The following SNTB1 variants were observed in gnomAD, a reference collection of about 807,000 sequenced individuals.
The protein encoded by SNTB1 is beta-1-syntrophin.
In SNTB1, 36 loss-of-function variants were observed where a neutral mutation model predicts 48.9. That is an observed-to-expected ratio of 0.74 (90% confidence interval 0.56 to 0.97). The LOEUF (loss-of-function observed/expected upper bound fraction) is 0.97, where lower values mean the gene tolerates loss of function less well. Ranked by LOEUF, SNTB1 falls within the 50% of genes least tolerant of loss-of-function variation. The pLI, the probability that SNTB1 is intolerant of heterozygous loss-of-function variation, is 0.00. For missense variants in SNTB1, 786 were observed against 703.4 expected, an observed-to-expected ratio of 1.12 and a Z score of -1.33; for synonymous variants, 299 against 294.6, an observed-to-expected ratio of 1.01 and a Z score of -0.15.
rs11994534 is a variant in SNTB1, at chr8:120,746,676, C to T, written c.572-52768G>A. 6.3e-3 allele frequency among the ~76,000 whole-genome samples: 955 copies of T among 152,182 alleles called. 5 individuals carry two copies. Among genetic ancestry groups the T allele is most frequent in the Admixed American group, 0.014 (220 of 15,298 alleles). ...AGTCTTTCCTTAAGATTAACTGTGC[C>T]GTTTACTATGATATCAAGATGAATA... On this transcript the variant is annotated intron_variant, in intron 1 of 6. Transcript: ENST00000517992.
intron 2 of SNTB1, among the ~76,000 whole-genome samples, chr8:120,680,162 G>A (rs1817906132): frequency 6.6e-6 from 1 of 152,174 alleles, no homozygotes; most frequent in African/African-American, 2.4e-5. Context: ...TTTGGATGCA[G>A]TGTCCTTCCT....
rs370023803 is a variant in SNTB1 at position 120,598,623 on chromosome 8, C to T, written c.997-23398G>A. On this transcript the variant is annotated intron_variant, in intron 3 of 6. Coordinates refer to ENST00000517992, the MANE Select transcript of SNTB1 (RefSeq NM_021021.4). The stretch of plus-strand genomic sequence containing the variant: ...CAGGCACCATGTTCATTTCCTATGC[C>T]CCTGTAACACATTACCATAAACCAG... Among the ~76,000 whole-genome samples, 25 of 152,266 alleles carry T rather than the reference C, an allele frequency of 1.6e-4. No homozygotes were observed. The East Asian group carries it at 4.3e-3, about 26-fold the overall frequency.
intron 1 of SNTB1, among the ~76,000 whole-genome samples, chr8:120,751,934 C>T (rs1172058123): frequency 6.6e-6 from 1 of 152,164 alleles, no homozygotes; most frequent in Admixed American, 6.6e-5. Flanking sequence ...TGGTGCAACT[C>T]AGCACACAGC....
At position 120,636,076 on chromosome 8, in the gene SNTB1, A is replaced by G; in HGVS notation, c.789-3425T>C. The G allele has an allele frequency of 7.2e-6, 4 of 559,260 alleles. No individual in the cohort carries two copies. In the South Asian group the frequency reaches 1.2e-4, roughly 17 times the overall value. The allele number at this position is 559,260 out of a possible 1,614,324, so 34.6% of individuals were successfully genotyped here. ...TTTTTTTTTTATTATTTTAAAAAGG[A>G]ATTTATTTCTTATAGTTATGAAGGC... On this transcript the variant is annotated intron_variant, in intron 2 of 6. Coordinates refer to ENST00000517992, the MANE Select transcript of SNTB1 (RefSeq NM_021021.4).
At chr8:120,655,998 G>A (rs1025739578) in intron 2 of SNTB1, among the ~76,000 whole-genome samples, 1 of 152,186 alleles carries the variant, frequency 6.6e-6, no homozygotes, top group African/African-American at 2.4e-5. Flanking sequence ...GTGACAACAG[G>A]GGTATTTTCC....
intron 1 of SNTB1, among the ~76,000 whole-genome samples, chr8:120,743,348 A>G (rs1819074701): frequency 6.6e-6 from 1 of 152,162 alleles, no homozygotes; most frequent in South Asian, 2.1e-4. Flanking sequence ...ATTATAAAAC[A>G]CGGTTTTGTA....
intron 1 of SNTB1, among the ~76,000 whole-genome samples, chr8:120,782,601 C>T (rs1013233831): frequency 6.6e-6 from 1 of 151,900 alleles, no homozygotes; most frequent in Admixed American, 6.6e-5. Context: ...TACATACATA[C>T]CTACACACAC....
Position 120,811,372 on chromosome 8 carries a change from C to T in SNTB1, c.472G>A (p.Asp158Asn), listed in dbSNP as rs866729656. ...GCTCCGTTCACGGACAGGATGGCGT[C>T]GCCCACGTACAGGGCTTGGGTCTGG... ...ADQTQALYVGDAILSVNGADL... is the reference protein window; with the variant it reads ...ADQTQALYVGNAILSVNGADL... Residue 158 changes from aspartate to asparagine, a missense_variant, in exon 1 of 7, where the codon GAC (aspartate) becomes AAC (asparagine). Asp to Asn is a conservative substitution (Grantham distance 23). Coordinates refer to ENST00000517992, the MANE Select transcript of SNTB1 (RefSeq NM_021021.4). 1.7e-5 allele frequency: 27 copies of T among 1,613,688 alleles called. No homozygotes were observed. The Admixed American group carries it at 4.0e-4, about 24-fold the overall frequency.
At chr8:120,737,829 T>G (rs113139650) in intron 1 of SNTB1, among the ~76,000 whole-genome samples, 2,112 of 152,276 alleles carry the variant, frequency 0.014, 40 homozygotes, top group African/African-American at 0.049. Flanking sequence ...TTAGGTCTCC[T>G]AAGAAGGCAA....
At chr8:120,799,921 T>C (rs1305757228) in intron 1 of SNTB1, among the ~76,000 whole-genome samples, 1 of 152,094 alleles carries the variant, frequency 6.6e-6, no homozygotes, top group Non-Finnish European at 1.5e-5. Flanking sequence ...CTATAATAGA[T>C]ATTACCACTC....
chr8:120,811,187 G>A, intron 1 of SNTB1, 86 bp downstream of exon 1: 26 of 1,491,552 alleles, frequency 1.7e-5, no homozygotes, highest in Non-Finnish European at 2.2e-5. Flanking sequence ...GCATGTGGCC[G>A]AGTGAGTGTG....
At chr8:120,703,968 C>T (rs944738375) in intron 1 of SNTB1, among the ~76,000 whole-genome samples, 3 of 152,116 alleles carry the variant, frequency 2.0e-5, no homozygotes, top group African/African-American at 7.2e-5. Context: ...AGTGACTTGC[C>T]CACAGTCACA....
At chr8:120,681,653 A>C (rs1817933481) in intron 2 of SNTB1, among the ~76,000 whole-genome samples, 1 of 152,182 alleles carries the variant, frequency 6.6e-6, no homozygotes. Flanking sequence ...CCCATAAGTA[A>C]CTGCACAGAC....
chr8:120,606,523 G>T (rs1587025629), intron 3 of SNTB1, among the ~76,000 whole-genome samples: 1 of 151,816 alleles, frequency 6.6e-6, no homozygotes, highest in East Asian at 1.9e-4. Flanking sequence ...GTTTCAGTAA[G>T]AAACAAACAA....
At chr8:120,655,784 G>A (rs1046538795) in intron 2 of SNTB1, among the ~76,000 whole-genome samples, 4 of 152,192 alleles carry the variant, frequency 2.6e-5, no homozygotes, top group African/African-American at 9.6e-5. Context: ...CTTCCTTGTT[G>A]CTCAAGGACA....
intron 1 of SNTB1, among the ~76,000 whole-genome samples, chr8:120,788,106 G>C (rs968305998): frequency 6.6e-6 from 1 of 152,110 alleles, no homozygotes; most frequent in Non-Finnish European, 1.5e-5. Flanking sequence ...TGTCAGCCAA[G>C]AATTCTGCAT....
chr8:120,660,609 A>G (rs1817572688), intron 2 of SNTB1, among the ~76,000 whole-genome samples: 1 of 152,134 alleles, frequency 6.6e-6, no homozygotes, highest in African/African-American at 2.4e-5. Flanking sequence ...CTTTCTTATC[A>G]TTTGCATTCA....
At chr8:120,559,932 C>CA (rs1221633979) in intron 4 of SNTB1, among the ~76,000 whole-genome samples, 3 of 80,366 alleles carry the variant, frequency 3.7e-5, no homozygotes, top group African/African-American at 7.7e-5. Context: ...ATGCAAGCCA[C>CA]AAAAAAAAGA....
intron 2 of SNTB1, among the ~76,000 whole-genome samples, chr8:120,675,543 G>T (rs1448766914): frequency 6.6e-6 from 1 of 152,170 alleles, no homozygotes; most frequent in Non-Finnish European, 1.5e-5. Context: ...CTGTCATTTT[G>T]TACTTGCACT....
Sources: gnomAD v4.1 joint callset for allele counts (sites outside exome capture counted in the v4.1 genomes callset) on GRCh38, gnomAD v4.1.1 for gene constraint, MANE v1.5 for transcripts, NCBI Gene and HGNC (gene_info 2026-07-23, HGNC 2026-07-21) for gene names.